The following RABGEF1 variants were observed in gnomAD, a reference collection of about 807,000 sequenced individuals.
RABGEF1 encodes RAB guanine nucleotide exchange factor 1, also known as rab5 GDP/GTP exchange factor.
Under a neutral mutation model 57.3 loss-of-function variants are expected in RABGEF1, and 26 were observed. The observed-to-expected ratio is 0.45, with a 90% CI of 0.33 to 0.63. RABGEF1 has a LOEUF of 0.63. Among genes scored for constraint, RABGEF1 ranks in the 20% least tolerant of loss-of-function variants. RABGEF1 has a pLI of 0.02. For synonymous variants in RABGEF1, 185 were observed against 210.7 expected, an observed-to-expected ratio of 0.88 and a Z score of 1.06; for missense variants, 464 against 607.6, an observed-to-expected ratio of 0.76 and a Z score of 2.48.
intron 2 of RABGEF1, among the ~76,000 whole-genome samples, chr7:66,725,189 G>T (rs548294255): frequency 1.3e-5 from 2 of 152,122 alleles, no homozygotes; most frequent in East Asian, 3.9e-4. Flanking sequence ...TCCTTTTACA[G>T]CTTTATCAAG....
intron 2 of RABGEF1, among the ~76,000 whole-genome samples, chr7:66,726,129 A>G (rs577733633): frequency 3.3e-5 from 5 of 152,244 alleles, no homozygotes; most frequent in Non-Finnish European, 7.3e-5. Flanking sequence ...TGCCAGGCAC[A>G]GAGCCAGAAT....
chr7:66,802,519 C>G (rs527672999), intron 7 of RABGEF1, among the ~76,000 whole-genome samples: 1 of 152,320 alleles, frequency 6.6e-6, no homozygotes, highest in Non-Finnish European at 1.5e-5. Flanking sequence ...AAGAGTAAAT[C>G]ATAGCAGGCA....
chr7:66,733,530 T>A lies in RABGEF1; in HGVS notation c.-814-6466T>A, dbSNP rs1182519129. Among the ~76,000 whole-genome samples the A allele has an allele frequency of 3.3e-5, 5 of 151,746 alleles. 1 individual carries two copies. ...TGGCCAACATGGTGAAACCCCCATC[T>A]CTACTAAAAATACAAAAATTAGCTG... is the stretch of plus-strand genomic sequence containing the variant. On this transcript the variant is annotated intron_variant and NMD_transcript_variant, in intron 2 of 9. Transcript: ENST00000607882.
chr7:66,719,458 A>T (rs977607692), intron 2 of RABGEF1, among the ~76,000 whole-genome samples: 4 of 152,136 alleles, frequency 2.6e-5, no homozygotes, highest in African/African-American at 9.7e-5. Context: ...GGCCCCCCGC[A>T]GTGTGCTGGG....
chr7:66,756,827 G>C (rs1409306560), intron 1 of RABGEF1, among the ~76,000 whole-genome samples: 1 of 152,072 alleles, frequency 6.6e-6, no homozygotes, highest in Non-Finnish European at 1.5e-5. Flanking sequence ...TTGCTGACCA[G>C]TTATTGCAAC....
intron 6 of RABGEF1, among the ~76,000 whole-genome samples, chr7:66,798,601 A>G (rs1786572580): frequency 6.6e-6 from 1 of 152,116 alleles, no homozygotes; most frequent in Non-Finnish European, 1.5e-5. Context: ...GGGACCAGGA[A>G]ACACACAGTG....
intron 1 of RABGEF1, among the ~76,000 whole-genome samples, chr7:66,746,023 T>A (rs2707856): frequency 0.5 from 76,324 of 151,994 alleles, 20,094 homozygotes; most frequent in East Asian, 0.74. Context: ...GTACACTTCT[T>A]TCATAGAGCA....
intron 4 of RABGEF1, among the ~76,000 whole-genome samples, chr7:66,792,655 G>A (rs767316424): frequency 2.0e-4 from 30 of 152,192 alleles, no homozygotes; most frequent in Non-Finnish European, 3.7e-4. Context: ...TTGAAAAGAT[G>A]TTGCAAAACA....
In RABGEF1 at chr7:66,771,920, C is replaced by T. The variant is rs550314383; in HGVS notation, c.21C>T (p.Arg7=). 5.0e-5 allele frequency: 78 copies of T among 1,556,778 alleles called. No homozygotes were observed. In the South Asian group the frequency reaches 8.8e-4, roughly 17 times the overall value. MSLKSE[R]RGIHVDQSDL... ...AGAAGATGAGCCTTAAGTCTGAACG[C>T]CGAGGAATTCATGTGGATCAATCGG... Residue 7 remains arginine (R), a synonymous_variant, in exon 2 of 9, where the codon CGC becomes CGT. Transcript: ENST00000284957.
chr7:66,800,645 A>C (rs1443019265), intron 7 of RABGEF1, among the ~76,000 whole-genome samples: 2 of 152,230 alleles, frequency 1.3e-5, no homozygotes, highest in African/African-American at 4.8e-5. Context: ...AAAAGCCTGA[A>C]TATGGACCTG....
chr7:66,787,434 C>T (rs1488125168), intron 4 of RABGEF1, among the ~76,000 whole-genome samples: 1 of 151,108 alleles, frequency 6.6e-6, no homozygotes, highest in Non-Finnish European at 1.5e-5. Context: ...ACCTCTGCCT[C>T]CCAGGTTCAA....
intron 1 of RABGEF1, among the ~76,000 whole-genome samples, chr7:66,749,995 C>T (rs895510140): frequency 6.6e-6 from 1 of 152,020 alleles, no homozygotes; most frequent in Admixed American, 6.6e-5. Context: ...AACAAAACTA[C>T]AGAATAATGA....
At chr7:66,681,564 G>A (rs1789739698), upstream of RABGEF1, among the ~76,000 whole-genome samples, 1 of 121,822 alleles carries the variant, frequency 8.2e-6, no homozygotes, top group African/African-American at 3.3e-5. Context: ...ATGCCCGGCT[G>A]ATTTGTAAAA....
intron 3 of RABGEF1, among the ~76,000 whole-genome samples, chr7:66,777,875 T>C (rs1307348838): frequency 6.6e-6 from 1 of 152,258 alleles, no homozygotes; most frequent in Non-Finnish European, 1.5e-5. Context: ...ACCTTTGTTC[T>C]TGTCTCCCCT....
chr7:66,763,916 A>G (rs1478661798), intron 1 of RABGEF1, among the ~76,000 whole-genome samples: 1 of 152,068 alleles, frequency 6.6e-6, no homozygotes, highest in African/African-American at 2.4e-5. Context: ...CTGCTCTTGG[A>G]CTATTATGGA....
intron 1 of RABGEF1, among the ~76,000 whole-genome samples, chr7:66,694,947 G>A (rs1020276755): frequency 1.3e-5 from 2 of 152,198 alleles, no homozygotes; most frequent in African/African-American, 4.8e-5. Context: ...CTGGAGCCCT[G>A]TTGAGGACGA....
At chr7:66,749,329 AAAC>A (rs1250859655) in intron 1 of RABGEF1, among the ~76,000 whole-genome samples, 6 of 152,210 alleles carry the variant, frequency 3.9e-5, no homozygotes, top group Non-Finnish European at 7.3e-5. Flanking sequence ...CTTACTCAGT[AAAC>A]AGTGGGTGAA....
intron 3 of RABGEF1, among the ~76,000 whole-genome samples, chr7:66,782,859 A>G (rs549734351): frequency 4.6e-5 from 7 of 152,292 alleles, no homozygotes; most frequent in African/African-American, 1.7e-4. Context: ...GGGGAACTTA[A>G]TTTCCTTATA....
At chr7:66,749,988 A>C (rs1801067106) in intron 1 of RABGEF1, among the ~76,000 whole-genome samples, 1 of 152,204 alleles carries the variant, frequency 6.6e-6, no homozygotes, top group South Asian at 2.1e-4. Flanking sequence ...ACAAACAAAC[A>C]AAACTACAGA....
Sources: allele counts gnomAD v4.1 joint callset (sites outside exome capture counted in the v4.1 genomes callset), GRCh38; gene constraint gnomAD v4.1.1; transcripts MANE v1.5; gene names NCBI Gene and HGNC (gene_info 2026-07-23, HGNC 2026-07-21).